The following PRKD1 variants were observed in gnomAD, a reference collection of about 807,000 sequenced individuals.
The protein encoded by PRKD1 is serine/threonine-protein kinase D1.
PRKD1 carries 63 observed loss-of-function variants against 95.9 expected under a neutral mutation model. The ratio of observed to expected loss-of-function variants is 0.66; its 90% CI spans 0.54 to 0.81. PRKD1 has a LOEUF of 0.81. Among genes scored for constraint, PRKD1 ranks in the 30% least tolerant of loss-of-function variants. The probability of loss-of-function intolerance (pLI) is 0.00; values close to 1 mark genes in which losing one functional copy is unlikely to be tolerated. For synonymous variants in PRKD1, 425 were observed against 423.1 expected (o/e 1.00, Z -0.05); for missense variants, 1,048 against 1,165.3 (o/e 0.90, Z 1.47).
At chr14:29,744,394 T>C (rs1387766602) in intron 1 of PRKD1, among the ~76,000 whole-genome samples, 5 of 152,096 alleles carry the variant, frequency 3.3e-5, no homozygotes, top group Non-Finnish European at 7.4e-5. Context: ...AAGCACAATA[T>C]ACTCCAAATC....
At chr14:29,627,849 T>C (rs1226997448) in intron 11 of PRKD1, among the ~76,000 whole-genome samples, 3 of 152,200 alleles carry the variant, frequency 2.0e-5, no homozygotes, top group African/African-American at 4.8e-5. Context: ...CAACGCTGTC[T>C]AGGGACAAGA....
At chr14:29,849,270 G>A (rs919608974) in intron 1 of PRKD1, among the ~76,000 whole-genome samples, 5 of 152,110 alleles carry the variant, frequency 3.3e-5, no homozygotes, top group African/African-American at 9.7e-5. Flanking sequence ...ATGCGTGCCC[G>A]CTTCTCATTC....
At chr14:29,751,571 CCT>C (rs761749419) in intron 1 of PRKD1, among the ~76,000 whole-genome samples, 8 of 152,210 alleles carry the variant, frequency 5.3e-5, no homozygotes, top group Non-Finnish European at 1.2e-4. Flanking sequence ...CACTCTAGAA[CCT>C]CCTACCTACA....
chr14:29,607,080 T>C (rs1231360196), intron 13 of PRKD1, among the ~76,000 whole-genome samples: 1 of 152,242 alleles, frequency 6.6e-6, no homozygotes, highest in Non-Finnish European at 1.5e-5. Context: ...ATACTTGGAA[T>C]TGTGCCTGGC....
chr14:29,803,353 TG>T (rs1199401475), intron 1 of PRKD1, among the ~76,000 whole-genome samples: 3 of 152,364 alleles, frequency 2.0e-5, no homozygotes, highest in Admixed American at 2.0e-4. Flanking sequence ...ATGACCATTT[TG>T]GGGAATTTTA....
chr14:29,926,897 G>A (rs35501745), intron 1 of PRKD1, among the ~76,000 whole-genome samples: 28,346 of 151,880 alleles, frequency 0.19, 2,805 homozygotes, highest in Middle Eastern at 0.28. Flanking sequence ...GGTCCGTAGG[G>A]GAGAGAGGGG....
chr14:29,656,574 G>A (rs1319217905), intron 4 of PRKD1: 6 of 1,439,824 alleles, frequency 4.2e-6, no homozygotes, highest in East Asian at 4.9e-5. Flanking sequence ...GGAAAACAAC[G>A]TTATTGGATG....
rs551024635 is a variant in PRKD1 at position 29,865,016 on chromosome 14, T to G, written c.264+62233A>C. 5.9e-5 allele frequency among the ~76,000 whole-genome samples: 9 copies of G among 152,286 alleles called. No individual in the cohort carries two copies. The South Asian group carries it at 1.7e-3, about 28-fold the overall frequency. On this transcript the variant is annotated intron_variant, in intron 1 of 17. Coordinates refer to ENST00000331968, the MANE Select transcript of PRKD1 (RefSeq NM_002742.3). ...TCCTGTCTTTAACCATTTTCTGTAT[T>G]TTTCTGAGACACAAGTCACATGTGC... is the stretch of plus-strand genomic sequence containing the variant.
chr14:29,845,178 C>T (rs1386255199), intron 1 of PRKD1, among the ~76,000 whole-genome samples: 1 of 152,098 alleles, frequency 6.6e-6, no homozygotes, highest in Non-Finnish European at 1.5e-5. Context: ...TCTAAAGATA[C>T]AAATGTTTTC....
chr14:29,806,127 CACAA>C (rs1278623428), intron 1 of PRKD1, among the ~76,000 whole-genome samples: 1 of 152,106 alleles, frequency 6.6e-6, no homozygotes, highest in African/African-American at 2.4e-5. Context: ...CACTGGAGGA[CACAA>C]ACAGTTTACT....
At chr14:29,659,165 T>C (rs998725134) in intron 4 of PRKD1, among the ~76,000 whole-genome samples, 1 of 152,338 alleles carries the variant, frequency 6.6e-6, no homozygotes, top group Admixed American at 6.5e-5. Context: ...TCCTTCCCAG[T>C]TGATATCCCA....
rs985777241 is a variant in PRKD1, at chr14:29,626,515, C to T, written c.1767G>A (p.Leu589=). 5 of 1,611,696 alleles carry T rather than the reference C, an allele frequency of 3.1e-6. No individual in the cohort carries two copies. In the African/African-American group the frequency reaches 5.4e-5, roughly 17 times the overall value. The change falls in exon 12 of 18, where the codon CTG becomes CTA. Residue 589 remains leucine, a synonymous_variant. Transcript: ENST00000331968. ...AAACAATTCCAAACTGTCCAGAACCCAGTACTTCATCAGGAAAAATCTGAT... is the reference window on the plus strand; with the variant it reads ...AAACAATTCCAAACTGTCCAGAACCTAGTACTTCATCAGGAAAAATCTGAT... ...TVYQIFPDEV[L]GSGQFGIVYG...
At chr14:29,668,542 T>C (rs45614736) in intron 2 of PRKD1, among the ~76,000 whole-genome samples, 3,968 of 152,286 alleles carry the variant, frequency 0.026, 144 homozygotes, top group African/African-American at 0.079. Flanking sequence ...TTCTTAGTCA[T>C]TGAGCATTTG....
chr14:29,702,297 T>G (rs566389377), intron 2 of PRKD1, among the ~76,000 whole-genome samples: 8 of 152,240 alleles, frequency 5.3e-5, no homozygotes, highest in South Asian at 2.1e-4. Flanking sequence ...AGTTATTGGT[T>G]TTCTCCTTTC....
intron 1 of PRKD1, among the ~76,000 whole-genome samples, chr14:29,736,937 A>G (rs1176910007): frequency 6.6e-6 from 1 of 152,226 alleles, no homozygotes; most frequent in African/African-American, 2.4e-5. Flanking sequence ...TAGTTGGGCC[A>G]ATCACAAAAG....
intron 2 of PRKD1, among the ~76,000 whole-genome samples, chr14:29,668,348 A>G (rs1426700144): frequency 6.6e-6 from 1 of 152,192 alleles, no homozygotes; most frequent in Non-Finnish European, 1.5e-5. Context: ...ATTCCAAGAG[A>G]GGAACAATGG....
intron 1 of PRKD1, among the ~76,000 whole-genome samples, chr14:29,875,898 C>T (rs1893268459): frequency 6.6e-6 from 1 of 152,212 alleles, no homozygotes; most frequent in South Asian, 2.1e-4. Flanking sequence ...GCTCCTCAAA[C>T]TGCCAAATCC....
At chr14:29,663,148 C>CATATATATATATATATATATATATAT (rs61506580) in intron 4 of PRKD1, among the ~76,000 whole-genome samples, 5 of 131,636 alleles carry the variant, frequency 3.8e-5, no homozygotes, top group South Asian at 2.5e-4. Flanking sequence ...AATATTCTTC[C>CATATATATATATATATATATATATAT]ATATATATAT....
chr14:29,893,664 A>C (rs989716814), intron 1 of PRKD1, among the ~76,000 whole-genome samples: 4 of 152,236 alleles, frequency 2.6e-5, no homozygotes, highest in Non-Finnish European at 5.9e-5. Flanking sequence ...TTTCTTTAGC[A>C]GTGGTTCTTA....
Sources: gnomAD v4.1 joint callset for allele counts (sites outside exome capture counted in the v4.1 genomes callset) on GRCh38, gnomAD v4.1.1 for gene constraint, MANE v1.5 for transcripts, NCBI Gene and HGNC (gene_info 2026-07-23, HGNC 2026-07-21) for gene names.